The following PNOC variants were observed in gnomAD, a reference collection of about 807,000 sequenced individuals.
The protein encoded by PNOC is prepronociceptin, also known as nociceptin.
A neutral mutation model predicts 15.6 loss-of-function variants in PNOC; 10 were observed. The observed-to-expected ratio is 0.64, with a 90% CI of 0.40 to 1.09. The LOEUF (loss-of-function observed/expected upper bound fraction) is 1.09, where lower values mean the gene tolerates loss of function less well. Among genes scored for constraint, PNOC ranks in the 50% least tolerant of loss-of-function variants. PNOC has a pLI of 0.01. For synonymous variants in PNOC, 98 were observed against 88.5 expected, an observed-to-expected ratio of 1.11 and a Z score of -0.60; for missense variants, 220 against 223.9, an observed-to-expected ratio of 0.98 and a Z score of 0.11.
chr8:28,322,677 C>T (rs1801169428), intron 1 of PNOC, among the ~76,000 whole-genome samples: 1 of 152,154 alleles, frequency 6.6e-6, no homozygotes, highest in African/African-American at 2.4e-5. Flanking sequence ...AATATGATTG[C>T]TATGAAATGC....
chr8:28,317,479 T>C (rs1340682912), intron 1 of PNOC, among the ~76,000 whole-genome samples, 163 bp downstream of exon 1: 1 of 152,048 alleles, frequency 6.6e-6, no homozygotes, highest in African/African-American at 2.4e-5. Context: ...ATTCATCTCC[T>C]TTGTAGCGCT....
intron 2 of PNOC, among the ~76,000 whole-genome samples, chr8:28,333,427 T>A (rs35188760): frequency 6.6e-6 from 1 of 152,198 alleles, no homozygotes; most frequent in Non-Finnish European, 1.5e-5. Flanking sequence ...GCTCACTTAA[T>A]AAGCCATTAA....
At position 28,339,230 on chromosome 8, in the gene PNOC, A is replaced by G; in HGVS notation, c.317A>G (p.Gln106Arg). The G allele has an allele frequency of 6.2e-7, 1 of 1,611,380 alleles. No homozygotes were observed. Among genetic ancestry groups the G allele is most frequent in the Non-Finnish European group, 8.5e-7 (1 of 1,177,626 alleles). ...RRMPRVRSLF[Q>R]EQEEPEPGME... ...ATGCCCCGAGTCCGGAGCTTGTTCC[A>G]GGAGCAGGAAGAGCCCGAGCCTGGC... is the stretch of plus-strand genomic sequence containing the variant. Residue 106 changes from glutamine to arginine, a missense_variant, in exon 3 of 4, where the codon CAG (glutamine) becomes CGG (arginine). Physicochemically the swap from Gln to Arg is conservative, Grantham distance 43. Transcript: ENST00000301908.
intron 2 of PNOC, among the ~76,000 whole-genome samples, chr8:28,336,528 T>C (rs1175191603): frequency 6.6e-6 from 1 of 152,116 alleles, no homozygotes; most frequent in Non-Finnish European, 1.5e-5. Flanking sequence ...TTTAAGGCAC[T>C]AGGAACAGCC....
At chr8:28,338,915 G>A (rs1406819609) in intron 2 of PNOC, 125 bp from the exon 3 acceptor site, 5 of 1,081,392 alleles carry the variant, frequency 4.6e-6, no homozygotes, top group East Asian at 2.4e-5. Context: ...ACTGCTCCAC[G>A]TTACTTGATA....
At chr8:28,330,391 A>ATTTTATTTTATTATTTTTTTTTT (rs1554517520) in intron 2 of PNOC, among the ~76,000 whole-genome samples, 1 of 76,082 alleles carries the variant, frequency 1.3e-5, no homozygotes, top group Non-Finnish European at 2.9e-5. Context: ...ATTTTATTTT[A>ATTTTATTTTATTATTTTTTTTTT]TTTTATTTTT....
chr8:28,327,156 C>T (rs959821729), intron 1 of PNOC, among the ~76,000 whole-genome samples: 7 of 152,236 alleles, frequency 4.6e-5, no homozygotes, highest in African/African-American at 1.7e-4. Context: ...CAGTCAAGAA[C>T]ATTTACATTT....
At chr8:28,330,560 C>CTTTTTTTTTT (rs34364812) in intron 2 of PNOC, among the ~76,000 whole-genome samples, 5 of 105,046 alleles carry the variant, frequency 4.8e-5, no homozygotes, top group Non-Finnish European at 7.8e-5. Context: ...CACCCGGCTA[C>CTTTTTTTTTT]TTTTTTTTTT....
chr8:28,330,091 C>G (rs559304121), intron 2 of PNOC, among the ~76,000 whole-genome samples: 1 of 151,838 alleles, frequency 6.6e-6, no homozygotes, highest in South Asian at 2.1e-4. Flanking sequence ...GGATTACAGA[C>G]GCCCACCACC....
intron 2 of PNOC, among the ~76,000 whole-genome samples, chr8:28,330,400 T>TATTTTTTTA (rs1431540071): frequency 9.8e-6 from 1 of 102,228 alleles, no homozygotes; most frequent in Non-Finnish European, 2.0e-5. Flanking sequence ...TATTTTATTT[T>TATTTTTTTA]TTTTTTTTTT....
intron 1 of PNOC, among the ~76,000 whole-genome samples, chr8:28,318,663 C>T (rs1801099187): frequency 6.6e-6 from 1 of 152,316 alleles, no homozygotes; most frequent in East Asian, 1.9e-4. Context: ...CTCCTTTGGG[C>T]TTGCTGAGTC....
At position 28,320,363 on chromosome 8, in the gene PNOC, A is replaced by C. The variant is rs376322617; in HGVS notation, c.-24+3047A>C. Among the ~76,000 whole-genome samples the C allele has an allele frequency of 1.8e-4, 28 of 152,070 alleles. No individual in the cohort carries two copies. The South Asian group carries it at 4.6e-3, about 25-fold the overall frequency. On this transcript the variant is annotated intron_variant, in intron 1 of 3. Transcript: ENST00000301908. ...GTGTGTGGGGTTCCTGATAGGAGCC[A>C]CACAGAGCAAGTGCCAGGAGCACAG...
At chr8:28,318,117 A>C (rs907557628) in intron 1 of PNOC, among the ~76,000 whole-genome samples, 1 of 151,296 alleles carries the variant, frequency 6.6e-6, no homozygotes, top group African/African-American at 2.4e-5. Flanking sequence ...CCGCATCCCA[A>C]CTCTCGAGGC....
At chr8:28,323,597 C>T (rs954803552) in intron 1 of PNOC, among the ~76,000 whole-genome samples, 1 of 152,240 alleles carries the variant, frequency 6.6e-6, no homozygotes, top group East Asian at 1.9e-4. Context: ...GACTGACCAT[C>T]TCAGGACTTG....
chr8:28,330,396 A>ATTTTATTTTATTTTATTTTATTTTAT (rs377288105), intron 2 of PNOC, among the ~76,000 whole-genome samples: 9 of 80,454 alleles, frequency 1.1e-4, no homozygotes, highest in African/African-American at 1.6e-4. Context: ...ATTTTATTTT[A>ATTTTATTTTATTTTATTTTATTTTAT]TTTTTTTTTT....
chr8:28,329,253 C>T lies in PNOC; in HGVS notation c.96C>T (p.Leu32=). The change falls in exon 2 of 4, where the codon CTC becomes CTT. Residue 32 remains leucine (L), a synonymous_variant. Coordinates refer to ENST00000301908, the MANE Select transcript of PNOC (RefSeq NM_006228.5). ...ACTGTCTCACATGCCAGGAGAAGCTCCACCCAGCCCTGGACAGCTTCGACC... is the reference window on the plus strand; with the variant it reads ...ACTGTCTCACATGCCAGGAGAAGCTTCACCCAGCCCTGGACAGCTTCGACC... The part of the protein sequence containing the change: ...QRDCLTCQEK[L]HPALDSFDLE... 1 of 1,613,944 alleles carries T rather than the reference C, an allele frequency of 6.2e-7. No individual in the cohort carries two copies. Among genetic ancestry groups the T allele is most frequent in the Non-Finnish European group, 8.5e-7 (1 of 1,180,030 alleles).
intron 2 of PNOC, among the ~76,000 whole-genome samples, chr8:28,332,154 C>T (rs889297719): frequency 2.0e-5 from 3 of 152,182 alleles, no homozygotes; most frequent in Non-Finnish European, 4.4e-5. Flanking sequence ...CTTCACAGTG[C>T]TCGCTAACCC....
chr8:28,329,775 G>GA (rs1396652544), intron 2 of PNOC, among the ~76,000 whole-genome samples: 4 of 151,092 alleles, frequency 2.6e-5, no homozygotes, highest in South Asian at 2.1e-4. Context: ...AAAATATTCA[G>GA]AAAAAAATAA....
At position 28,339,137 on chromosome 8, in the gene PNOC, C is replaced by A. The variant is rs766599434; in HGVS notation, c.224C>A (p.Ala75Asp). 3 of 1,612,802 alleles carry A rather than the reference C, an allele frequency of 1.9e-6. No individual in the cohort carries two copies. The highest frequency in any genetic ancestry group is 2.5e-6 in the Non-Finnish European group (3 of 1,178,976). ...AGGAGCTCTTGGCAGCTCAGCCCTG[C>A]CGCCCCAGAGCATGTGGCGGCTGCT... The part of the protein sequence containing the change: ...MARSSWQLSP[A>D]APEHVAAALY... The change falls in exon 3 of 4, where the codon GCC (alanine) becomes GAC (aspartate). Residue 75 changes from alanine (A) to aspartate (D), a missense_variant. Physicochemically the swap from Ala to Asp is moderately radical, Grantham distance 126 (BLOSUM62 -2). Transcript: ENST00000301908.
Sources: allele counts gnomAD v4.1 joint callset (sites outside exome capture counted in the v4.1 genomes callset), GRCh38; gene constraint gnomAD v4.1.1; transcripts MANE v1.5; gene names NCBI Gene and HGNC (gene_info 2026-07-23, HGNC 2026-07-21).